Variants in EPN2 observed in about 807,000 individuals in gnomAD.
EPN2 encodes the protein epsin-2.
In EPN2, 34 loss-of-function variants were observed where a neutral mutation model predicts 61.7. The ratio of observed to expected loss-of-function variants is 0.55; its 90% CI spans 0.42 to 0.73. The LOEUF (loss-of-function observed/expected upper bound fraction) is 0.73, where lower values mean the gene tolerates loss of function less well. Ranked by LOEUF, EPN2 falls within the 30% of genes least tolerant of loss-of-function variation. The pLI is 0.00. For synonymous variants in EPN2, 349 were observed against 353.6 expected (o/e 0.99, Z 0.15); for missense variants, 714 against 839.2 (o/e 0.85, Z 1.84).
intron 1 of EPN2, among the ~76,000 whole-genome samples, chr17:19,268,792 G>A (rs891606220): frequency 6.6e-6 from 1 of 152,194 alleles, no homozygotes; most frequent in African/African-American, 2.4e-5. Context: ...GGTACACAGC[G>A]GTGACAGTGG....
At chr17:19,288,117 C>A (rs2045423632) in intron 4 of EPN2, among the ~76,000 whole-genome samples, 1 of 152,212 alleles carries the variant, frequency 6.6e-6, no homozygotes, top group Non-Finnish European at 1.5e-5. Flanking sequence ...ACGTTGCAGA[C>A]CTCAGTTGCT....
At chr17:19,300,095 G>A (rs1353388930) in intron 4 of EPN2, among the ~76,000 whole-genome samples, 1 of 152,192 alleles carries the variant, frequency 6.6e-6, no homozygotes, top group African/African-American at 2.4e-5. Flanking sequence ...CCACCTAGCT[G>A]CCCCATGGTT....
chr17:19,300,823 T>A (rs1905464080), intron 4 of EPN2, among the ~76,000 whole-genome samples: 1 of 152,162 alleles, frequency 6.6e-6, no homozygotes, highest in Non-Finnish European at 1.5e-5. Context: ...GGCCTCCACA[T>A]CCACCAAGTG....
intron 2 of EPN2, 200 bp downstream of exon 2, chr17:19,282,277 G>T (rs149633942): frequency 6.6e-6 from 1 of 152,290 alleles, no homozygotes; most frequent in East Asian, 1.9e-4. Flanking sequence ...CCTTTTTCTA[G>T]AATTGCTGTT....
intron 1 of EPN2, among the ~76,000 whole-genome samples, chr17:19,267,028 A>G (rs1440283423): frequency 2.7e-5 from 4 of 146,304 alleles, no homozygotes; most frequent in Middle Eastern, 3.7e-3. Context: ...TTTAGTAGAG[A>G]CGGGGTTTCC....
chr17:19,275,318 G>A (rs1357745341), intron 1 of EPN2, among the ~76,000 whole-genome samples: 1 of 152,218 alleles, frequency 6.6e-6, no homozygotes, highest in African/African-American at 2.4e-5. Flanking sequence ...CAGTTGCAGG[G>A]ATCAAAAGCA....
At chr17:19,255,781 T>C (rs1438599859) in intron 1 of EPN2, among the ~76,000 whole-genome samples, 5 of 151,518 alleles carry the variant, frequency 3.3e-5, no homozygotes. Flanking sequence ...TTCAACCACA[T>C]GTGGCTAATT....
At chr17:19,288,097 A>G (rs1179996344) in intron 4 of EPN2, among the ~76,000 whole-genome samples, 1 of 152,220 alleles carries the variant, frequency 6.6e-6, no homozygotes, top group Non-Finnish European at 1.5e-5. Context: ...GGGCCATCCC[A>G]GAGCCTTTGA....
At chr17:19,271,168 G>A (rs2045249154) in intron 1 of EPN2, among the ~76,000 whole-genome samples, 2 of 152,062 alleles carry the variant, frequency 1.3e-5, no homozygotes, top group Admixed American at 6.6e-5. Flanking sequence ...GGGGGGTGGT[G>A]TGGGGGCAGG....
intron 4 of EPN2, among the ~76,000 whole-genome samples, chr17:19,291,797 T>C (rs189823346): frequency 2.0e-5 from 3 of 152,268 alleles, no homozygotes; most frequent in Admixed American, 2.0e-4. Flanking sequence ...GTGCGCTGTT[T>C]CATGAGTATG....
At position 19,295,364 on chromosome 17, in the gene EPN2, A is replaced by ACGCG. The variant is rs374152445; in HGVS notation, c.766+9575_766+9576insGCGC. Among the ~76,000 whole-genome samples the ACGCG allele has an allele frequency of 7.8e-3, 635 of 81,812 alleles. 4 individuals carry two copies. The highest frequency in any genetic ancestry group is 0.021 in the Middle Eastern group (3 of 140). 53.7% of individuals were successfully genotyped at this position (81,812 alleles called of 152,430 possible). ...AATACACACACACACACACACACAC[A>ACGCG]CACGCGCGTGCGCGCAAAATAGCCA... On this transcript the variant is annotated intron_variant, in intron 4 of 10. Coordinates refer to ENST00000314728, the MANE Select transcript of EPN2 (RefSeq NM_014964.5).
intron 4 of EPN2, among the ~76,000 whole-genome samples, chr17:19,288,855 G>A (rs537500351): frequency 6.6e-6 from 1 of 152,298 alleles, no homozygotes; most frequent in East Asian, 1.9e-4. Flanking sequence ...CAGTGGCCCG[G>A]TGCTGGGCCT....
At position 19,334,010 on chromosome 17, in the gene EPN2, C is replaced by T. The variant is rs200044845; in HGVS notation, c.1682C>T (p.Pro561Leu). Residue 561 changes from proline to leucine, a missense_variant, in exon 11 of 11, where the codon CCG becomes CTG. Physicochemically the swap from Pro to Leu is moderately conservative, Grantham distance 98 (BLOSUM62 -3). Coordinates refer to ENST00000314728, the MANE Select transcript of EPN2 (RefSeq NM_014964.5). This position sits in a 1 kb window ranked among gnomAD's most constrained non-coding sequence, Gnocchi z 4.9. ...VNPFQVNQPQ[P>L]LTLNQLRGSP... ...CCTTTCCAGGTGAACCAGCCCCAGCCGCTGACACTGAACCAGCTTCGGGGG... is the reference window on the plus strand; with the variant it reads ...CCTTTCCAGGTGAACCAGCCCCAGCTGCTGACACTGAACCAGCTTCGGGGG... 1.2e-5 allele frequency: 19 copies of T among 1,593,710 alleles called. No homozygotes were observed. The highest frequency in any genetic ancestry group is 3.4e-5 in the Admixed American group (2 of 58,494).
chr17:19,238,932 G>A (rs1045251007), intron 1 of EPN2, among the ~76,000 whole-genome samples: 6 of 152,140 alleles, frequency 3.9e-5, no homozygotes, highest in African/African-American at 1.2e-4. Flanking sequence ...GGCAGAAAAC[G>A]TGCCTCTTGT....
intron 10 of EPN2, 121 bp downstream of exon 10, chr17:19,332,189 T>G: frequency 2.3e-5 from 17 of 747,234 alleles, no homozygotes; most frequent in Non-Finnish European, 3.3e-5. Flanking sequence ...CTGGAATCTC[T>G]AGATGATTAC....
chr17:19,323,820 G>T (rs187457646), intron 7 of EPN2, among the ~76,000 whole-genome samples: 2 of 152,352 alleles, frequency 1.3e-5, no homozygotes, highest in East Asian at 3.9e-4. Context: ...TGTTCTTGAA[G>T]AGTAAAGTTG....
At chr17:19,238,614 AAT>A (rs1435523447) in intron 1 of EPN2, among the ~76,000 whole-genome samples, 1 of 152,194 alleles carries the variant, frequency 6.6e-6, no homozygotes, top group Admixed American at 6.5e-5. Flanking sequence ...GAACTGCAGT[AAT>A]TTGCCCAAGG....
intron 1 of EPN2, among the ~76,000 whole-genome samples, chr17:19,255,560 GTTTTTTTTT>G (rs56823339): frequency 3.3e-5 from 3 of 92,190 alleles, no homozygotes; most frequent in Admixed American, 1.1e-4. Context: ...TCTGGGGAGA[GTTTTTTTTT>G]TTTTTTTTTT....
chr17:19,301,169 C>CT (rs1905492884), intron 4 of EPN2, among the ~76,000 whole-genome samples: 5 of 152,272 alleles, frequency 3.3e-5, no homozygotes, highest in Admixed American at 3.3e-4. Context: ...ACCCCAGTCT[C>CT]TGCCTCCATG....
Sources: gnomAD v4.1 joint callset for allele counts (sites outside exome capture counted in the v4.1 genomes callset) on GRCh38, gnomAD v4.1.1 for gene constraint, Gnocchi (gnomAD v3.1) non-coding constraint, MANE v1.5 for transcripts, NCBI Gene and HGNC (gene_info 2026-07-23, HGNC 2026-07-21) for gene names.